Variants in PPP2R2B observed in about 807,000 individuals in gnomAD.
PPP2R2B encodes the protein serine/threonine-protein phosphatase 2A 55 kDa regulatory subunit B beta isoform.
Under a neutral mutation model 46.0 loss-of-function variants are expected in PPP2R2B, and 5 were observed. The observed-to-expected ratio is 0.11, with a 90% CI of 0.06 to 0.23. The LOEUF (loss-of-function observed/expected upper bound fraction) is 0.23. PPP2R2B is among the 10% of genes least tolerant of loss of function. PPP2R2B has a pLI of 1.00. For synonymous variants in PPP2R2B, 215 were observed against 206.7 expected, an observed-to-expected ratio of 1.04 and a Z score of -0.34; for missense variants, 367 against 575.0, an observed-to-expected ratio of 0.64 and a Z score of 3.70.
intron 2 of PPP2R2B, among the ~76,000 whole-genome samples, chr5:146,767,313 T>C (rs983402273): frequency 3.3e-5 from 5 of 152,118 alleles, no homozygotes; most frequent in Non-Finnish European, 5.9e-5. Flanking sequence ...TAAGCAAATT[T>C]CATTTAATTC....
intron 2 of PPP2R2B, among the ~76,000 whole-genome samples, chr5:146,728,554 A>G (rs1279769730): frequency 3.3e-5 from 5 of 152,128 alleles, no homozygotes; most frequent in Non-Finnish European, 4.4e-5. Flanking sequence ...GAGCAAAATA[A>G]TCCTCCAACA....
At chr5:146,845,904 A>G (rs1386716498) in intron 2 of PPP2R2B, among the ~76,000 whole-genome samples, 1 of 152,204 alleles carries the variant, frequency 6.6e-6, no homozygotes, top group African/African-American at 2.4e-5. Flanking sequence ...CACAGTAGCC[A>G]CTAACCACGG....
intron 2 of PPP2R2B, among the ~76,000 whole-genome samples, chr5:146,717,732 C>T (rs1427521590): frequency 6.6e-6 from 1 of 152,134 alleles, no homozygotes; most frequent in African/African-American, 2.4e-5. Context: ...CCCTCGCAAA[C>T]TATCCCCTGA....
chr5:146,856,493 G>A (rs768715530), intron 2 of PPP2R2B: 8 of 1,561,320 alleles, frequency 5.1e-6, no homozygotes, highest in East Asian at 2.2e-5. Flanking sequence ...ATAATAATAC[G>A]AATACCTTTA....
intron 1 of PPP2R2B, among the ~76,000 whole-genome samples, chr5:146,945,854 G>A (rs1017425920): frequency 1.3e-5 from 2 of 152,156 alleles, no homozygotes; most frequent in Non-Finnish European, 2.9e-5. Flanking sequence ...AGAATGAGCT[G>A]AGACACGTGT....
At chr5:146,872,924 C>T (rs1761697550) in intron 2 of PPP2R2B, among the ~76,000 whole-genome samples, 1 of 152,190 alleles carries the variant, frequency 6.6e-6, no homozygotes, top group Admixed American at 6.5e-5. Context: ...TTATCTGAGG[C>T]ATCTCATCTA....
chr5:146,745,194 G>A (rs1753109949), intron 2 of PPP2R2B, among the ~76,000 whole-genome samples: 1 of 139,402 alleles, frequency 7.2e-6, no homozygotes, highest in South Asian at 2.5e-4. Flanking sequence ...GAGAGAGAGA[G>A]AGAGAGAGAG....
chr5:146,932,341 A>G (rs141081215), intron 1 of PPP2R2B, among the ~76,000 whole-genome samples: 422 of 152,286 alleles, frequency 2.8e-3, no homozygotes, highest in Non-Finnish European at 4.6e-3. Context: ...CTCATCTTGA[A>G]TGGTAGTTCC....
At chr5:146,646,728 A>C (rs1228078375) in intron 6 of PPP2R2B, among the ~76,000 whole-genome samples, 1 of 152,218 alleles carries the variant, frequency 6.6e-6, no homozygotes, top group Non-Finnish European at 1.5e-5. Flanking sequence ...TAGCAGAATA[A>C]AAGCTACCAT....
chr5:146,984,221 T>C (rs1288584004), intron 1 of PPP2R2B, among the ~76,000 whole-genome samples: 1 of 152,210 alleles, frequency 6.6e-6, no homozygotes, highest in African/African-American at 2.4e-5. Context: ...ACTGAGACTT[T>C]GTATGCTCTG....
chr5:146,851,603 TTC>T (rs988296612), intron 2 of PPP2R2B, among the ~76,000 whole-genome samples: 18 of 152,200 alleles, frequency 1.2e-4, no homozygotes, highest in African/African-American at 3.8e-4. Flanking sequence ...GTAAAGAATT[TTC>T]TGTTTTAATG....
chr5:146,744,970 A>G (rs1054225149), intron 2 of PPP2R2B, among the ~76,000 whole-genome samples: 1 of 152,178 alleles, frequency 6.6e-6, no homozygotes, highest in African/African-American at 2.4e-5. Flanking sequence ...AGAGACCAAG[A>G]GTCAAATTTA....
At chr5:146,660,056 T>C (rs1311694961) in intron 5 of PPP2R2B, among the ~76,000 whole-genome samples, 1 of 152,180 alleles carries the variant, frequency 6.6e-6, no homozygotes, top group Admixed American at 6.6e-5. Context: ...AGCTGAAAGC[T>C]CTCCTGGTTA....
intron 7 of PPP2R2B, chr5:146,606,876 G>C (rs1210456712): frequency 6.6e-6 from 1 of 152,192 alleles, no homozygotes; most frequent in African/African-American, 2.4e-5. Context: ...AAGCCAGTGG[G>C]ACATGAGGGT....
intron 2 of PPP2R2B, among the ~76,000 whole-genome samples, chr5:146,737,430 A>T (rs1422426697): frequency 1.3e-5 from 2 of 152,118 alleles, no homozygotes; most frequent in African/African-American, 4.8e-5. Context: ...GACTGTAGAG[A>T]GTATTTACTT....
At chr5:146,669,692 G>A (rs540067246) in intron 5 of PPP2R2B, among the ~76,000 whole-genome samples, 13 of 152,134 alleles carry the variant, frequency 8.5e-5, no homozygotes, top group East Asian at 5.8e-4. Flanking sequence ...CTTTACATAC[G>A]TTACCTCCTT....
At chr5:146,646,850 C>A (rs561382618) in intron 6 of PPP2R2B, among the ~76,000 whole-genome samples, 23 of 151,908 alleles carry the variant, frequency 1.5e-4, no homozygotes, top group Non-Finnish European at 2.9e-4. Context: ...TGTGTGCGTG[C>A]GTATGTGTGT....
chr5:146,768,153 A>T (rs1754607960), intron 2 of PPP2R2B, among the ~76,000 whole-genome samples: 1 of 151,880 alleles, frequency 6.6e-6, no homozygotes, highest in Admixed American at 6.6e-5. Flanking sequence ...AGCTCACTAC[A>T]GTCTCCACCT....
intron 2 of PPP2R2B, among the ~76,000 whole-genome samples, chr5:146,782,110 T>C (rs969087205): frequency 5.9e-5 from 9 of 152,190 alleles, no homozygotes; most frequent in African/African-American, 2.2e-4. Flanking sequence ...CCCTCCACCA[T>C]GACTGCAAGT....
Sources: gnomAD v4.1 joint callset for allele counts (sites outside exome capture counted in the v4.1 genomes callset) on GRCh38, gnomAD v4.1.1 for gene constraint, MANE v1.5 for transcripts, NCBI Gene and HGNC (gene_info 2026-07-23, HGNC 2026-07-21) for gene names.